Variants in PEAK1 observed in about 807,000 individuals in gnomAD.
PEAK1 encodes the protein pseudopodium enriched atypical kinase 1, also known as inactive tyrosine-protein kinase PEAK1.
A neutral mutation model predicts 124.7 loss-of-function variants in PEAK1; 54 were observed. That is an observed-to-expected ratio of 0.43 (90% confidence interval 0.35 to 0.54). The LOEUF is 0.54. Among genes scored for constraint, PEAK1 ranks in the 20% least tolerant of loss-of-function variants. The pLI is 0.01. For missense variants in PEAK1, 2,046 were observed against 2,134.5 expected (o/e 0.96, Z 0.82); for synonymous variants, 719 against 760.0 (o/e 0.95, Z 0.89).
chr15:77,398,410 T>C (rs1021055695), intron 1 of PEAK1, among the ~76,000 whole-genome samples: 9 of 152,304 alleles, frequency 5.9e-5, no homozygotes, highest in African/African-American at 2.2e-4. Context: ...AAAAAGACCA[T>C]TCATCATGAT....
At chr15:77,301,880 C>A (rs1567231198) in intron 2 of PEAK1, among the ~76,000 whole-genome samples, 1 of 152,120 alleles carries the variant, frequency 6.6e-6, no homozygotes. Flanking sequence ...AGGTCAACAT[C>A]AACCATTTGT....
At chr15:77,146,257 T>G (rs2054168697) in intron 8 of PEAK1, among the ~76,000 whole-genome samples, 1 of 152,184 alleles carries the variant, frequency 6.6e-6, no homozygotes, top group Non-Finnish European at 1.5e-5. Context: ...TACCTAGGCA[T>G]TATTACTGTG....
chr15:77,323,032 C>A (rs1434645621), intron 2 of PEAK1, among the ~76,000 whole-genome samples: 1 of 152,058 alleles, frequency 6.6e-6, no homozygotes, highest in East Asian at 1.9e-4. Flanking sequence ...AAGACAAAAA[C>A]CACATGATTA....
At chr15:77,245,893 T>C (rs1480495038) in intron 6 of PEAK1, among the ~76,000 whole-genome samples, 3 of 152,182 alleles carry the variant, frequency 2.0e-5, no homozygotes, top group African/African-American at 7.2e-5. Flanking sequence ...TTGAATCAGG[T>C]AGTGTGAGTC....
rs575578950 is a variant in PEAK1 at position 77,321,317 on chromosome 15, G to A, written c.-602-34813C>T. 8.9e-4 allele frequency among the ~76,000 whole-genome samples: 136 copies of A among 152,076 alleles called. 2 individuals carry two copies. The highest frequency in any genetic ancestry group is 2.8e-3 in the African/African-American group (116 of 41,496). ...CCTATTTCTCCACATCCTCTCCAGCGCCTGTTGTTTCCTGACTTTTTAATG... is the reference window on the plus strand; with the variant it reads ...CCTATTTCTCCACATCCTCTCCAGCACCTGTTGTTTCCTGACTTTTTAATG... On this transcript the variant is annotated intron_variant, in intron 2 of 9. Coordinates refer to ENST00000682557, the MANE Select transcript of PEAK1 (RefSeq NM_001385026.1).
chr15:77,356,012 A>G (rs776415061), intron 2 of PEAK1: 29 of 894,284 alleles, frequency 3.2e-5, no homozygotes, highest in East Asian at 1.2e-4. Context: ...CTAAAGTTCT[A>G]TTTTGCTTCT....
chr15:77,199,332 C>T (rs568204378), intron 6 of PEAK1, among the ~76,000 whole-genome samples: 3 of 152,262 alleles, frequency 2.0e-5, no homozygotes, highest in African/African-American at 7.2e-5. Flanking sequence ...CTGTAGATAT[C>T]GAAGTGGTCT....
At chr15:77,413,562 T>C (rs2072586713) in intron 1 of PEAK1, among the ~76,000 whole-genome samples, 1 of 152,126 alleles carries the variant, frequency 6.6e-6, no homozygotes, top group East Asian at 1.9e-4. Flanking sequence ...AAAATACTTG[T>C]GTCAAGGTTA....
In PEAK1 at chr15:77,211,369, A is replaced by C. The variant is rs1260403994; in HGVS notation, c.-114-29329T>G. Among the ~76,000 whole-genome samples, 5 of 152,210 alleles carry C rather than the reference A, an allele frequency of 3.3e-5. No homozygotes were observed. In the South Asian group the frequency reaches 6.2e-4, roughly 19 times the overall value. ...ATAAAGGAATACTGTGGCTTGATGT[A>C]CCATATAATATTAAACATGGATGAA... On this transcript the variant is annotated intron_variant, in intron 6 of 9. Coordinates refer to ENST00000682557, the MANE Select transcript of PEAK1 (RefSeq NM_001385026.1).
chr15:77,387,111 T>A (rs2070018307), intron 1 of PEAK1, among the ~76,000 whole-genome samples: 1 of 152,190 alleles, frequency 6.6e-6, no homozygotes, highest in African/African-American at 2.4e-5. Context: ...CAACAGAAAT[T>A]ATCTCCCTCC....
intron 6 of PEAK1, among the ~76,000 whole-genome samples, chr15:77,220,503 T>C (rs2152877416): frequency 7.4e-6 from 1 of 134,936 alleles, no homozygotes; most frequent in South Asian, 2.4e-4. Context: ...TCACTACAAT[T>C]CATACAAGCT....
downstream of PEAK1, chr15:77,106,745 G>C (rs1472061095): frequency 6.6e-6 from 1 of 152,164 alleles, no homozygotes; most frequent in Non-Finnish European, 1.5e-5. Context: ...ATCTAAATGG[G>C]TCCAAGTGCT....
chr15:77,418,613 T>C, intron 1 of PEAK1: 1 of 985,112 alleles, frequency 1.0e-6, no homozygotes, highest in Non-Finnish European at 1.2e-6. Context: ...CAAAGAGAAG[T>C]CCCAGGCAAG....
Position 77,410,828 on chromosome 15 carries a change from A to G in PEAK1, c.-666+9178T>C, listed in dbSNP as rs575309296. On this transcript the variant is annotated intron_variant, in intron 1 of 9. Coordinates refer to ENST00000682557, the MANE Select transcript of PEAK1 (RefSeq NM_001385026.1). ...GGTAGAAATAAGAATGGAATCCTGC[A>G]ATTACCTGCCCCCTATCCTACAAAG... Among the ~76,000 whole-genome samples the G allele has an allele frequency of 5.3e-5, 8 of 152,288 alleles. No individual in the cohort carries two copies. The South Asian group carries it at 8.3e-4, about 16-fold the overall frequency.
At chr15:77,404,108 T>G in intron 1 of PEAK1, 1 of 985,104 alleles carries the variant, frequency 1.0e-6, no homozygotes, top group Non-Finnish European at 1.2e-6. Flanking sequence ...AGTAGGCCTT[T>G]AGACAACTAC....
intron 1 of PEAK1, chr15:77,417,230 A>C: frequency 1.9e-6 from 1 of 515,196 alleles, no homozygotes; most frequent in Non-Finnish European, 2.5e-6. Flanking sequence ...CCTTGCAAAA[A>C]GGAATCTCAT....
chr15:77,302,889 T>G (rs1274738332), intron 2 of PEAK1, among the ~76,000 whole-genome samples: 2 of 152,134 alleles, frequency 1.3e-5, no homozygotes, highest in African/African-American at 2.4e-5. Context: ...CTTATCACCC[T>G]AAAAAAGTCC....
intron 1 of PEAK1, among the ~76,000 whole-genome samples, chr15:77,412,824 A>G (rs939134578): frequency 6.6e-6 from 1 of 152,200 alleles, no homozygotes; most frequent in Admixed American, 6.5e-5. Context: ...TGGTAGTGTC[A>G]GAGAATAAAG....
chr15:77,243,124 C>T (rs969693142), intron 6 of PEAK1, among the ~76,000 whole-genome samples: 15 of 152,154 alleles, frequency 9.9e-5, no homozygotes, highest in African/African-American at 3.4e-4. Flanking sequence ...CTGAGAAATG[C>T]TTTCCCTAGT....
Sources: gnomAD v4.1 joint callset for allele counts (sites outside exome capture counted in the v4.1 genomes callset) on GRCh38, gnomAD v4.1.1 for gene constraint, MANE v1.5 for transcripts, NCBI Gene and HGNC (gene_info 2026-07-23, HGNC 2026-07-21) for gene names.